GRIK4: variants seen among roughly 807,000 people sequenced by gnomAD.
GRIK4 encodes the protein glutamate receptor ionotropic, kainate 4.
In GRIK4, 40 loss-of-function variants were observed where a neutral mutation model predicts 104.9. The ratio of observed to expected loss-of-function variants is 0.38; its 90% CI spans 0.30 to 0.50. The LOEUF is 0.50. GRIK4 is among the 20% of genes least tolerant of loss of function. The probability of loss-of-function intolerance (pLI) is 0.93; values close to 1 mark genes in which losing one functional copy is unlikely to be tolerated. For missense variants in GRIK4, 1,047 were observed against 1,308.1 expected (o/e 0.80, Z 3.08); for synonymous variants, 485 against 524.9 (o/e 0.92, Z 1.04).
intron 1 of GRIK4, among the ~76,000 whole-genome samples, chr11:120,643,282 T>G (rs1949494360): frequency 6.7e-6 from 1 of 150,172 alleles, no homozygotes; most frequent in Non-Finnish European, 1.5e-5. Flanking sequence ...CCCCTGAGAG[T>G]TAGAGATTTG....
At chr11:120,817,177 C>T (rs565480256) in intron 5 of GRIK4, among the ~76,000 whole-genome samples, 1 of 152,150 alleles carries the variant, frequency 6.6e-6, no homozygotes, top group South Asian at 2.1e-4. Flanking sequence ...CTTTGCTGTG[C>T]ATCACATCCT....
intron 1 of GRIK4, among the ~76,000 whole-genome samples, chr11:120,543,253 A>C (rs146553387): frequency 8.5e-5 from 13 of 152,288 alleles, no homozygotes; most frequent in Non-Finnish European, 1.5e-4. Flanking sequence ...TGTACCCCTG[A>C]ACCTAAAAGT....
At chr11:120,840,472 G>A (rs908047779) in intron 8 of GRIK4, among the ~76,000 whole-genome samples, 1 of 152,126 alleles carries the variant, frequency 6.6e-6, no homozygotes, top group African/African-American at 2.4e-5. Flanking sequence ...AATGGCACCT[G>A]GTTAAGGTGG....
At chr11:120,660,653 T>C (rs1591778929) in intron 3 of GRIK4, among the ~76,000 whole-genome samples, 2 of 152,170 alleles carry the variant, frequency 1.3e-5, no homozygotes, top group African/African-American at 4.8e-5. Flanking sequence ...GCAGTCAATG[T>C]AGGTTCAGCC....
At chr11:120,747,686 T>C (rs561711260) in intron 3 of GRIK4, among the ~76,000 whole-genome samples, 1 of 152,216 alleles carries the variant, frequency 6.6e-6, no homozygotes, top group Non-Finnish European at 1.5e-5. Flanking sequence ...CGCTTAGTGA[T>C]TTATTTTGAG....
At chr11:120,533,344 G>C (rs1947941131) in intron 1 of GRIK4, among the ~76,000 whole-genome samples, 1 of 152,170 alleles carries the variant, frequency 6.6e-6, no homozygotes, top group African/African-American at 2.4e-5. Context: ...GAGTTCTGAG[G>C]GCTTTCCTTG....
intron 1 of GRIK4, among the ~76,000 whole-genome samples, chr11:120,537,490 C>A (rs1947989314): frequency 6.6e-6 from 1 of 152,194 alleles, no homozygotes; most frequent in Admixed American, 6.5e-5. Context: ...CAAATGAGAT[C>A]TCTGGGATCT....
At chr11:120,962,741 C>G (rs765136222) in intron 18 of GRIK4, 60 bp downstream of exon 18, 6 of 1,112,910 alleles carry the variant, frequency 5.4e-6, no homozygotes, top group African/African-American at 1.5e-5. Flanking sequence ...CAGGGTAGCT[C>G]AAACCACTGA....
chr11:120,532,610 T>C (rs1947934622), intron 1 of GRIK4, among the ~76,000 whole-genome samples: 1 of 152,242 alleles, frequency 6.6e-6, no homozygotes. Context: ...TAGTGTGGAC[T>C]CTTTCCCCTA....
Position 120,985,887 on chromosome 11 carries a change from C to T in GRIK4, c.2515-17C>T. The T allele has an allele frequency of 6.4e-7, 1 of 1,550,562 alleles. No homozygotes were observed. Among genetic ancestry groups the T allele is most frequent in the South Asian group, 1.2e-5 (1 of 84,176 alleles). On this transcript the variant is annotated splice_polypyrimidine_tract_variant and intron_variant, in intron 20 of 20. Coordinates refer to ENST00000527524, the MANE Select transcript of GRIK4 (RefSeq NM_014619.5). ...GCTGGTTGAGAGGCTGGGCCCTGAC[C>T]TCGCTGTCTCCTCCAGGTGTCCGTC...
chr11:120,715,638 G>A (rs1309653068), intron 3 of GRIK4, among the ~76,000 whole-genome samples: 1 of 152,116 alleles, frequency 6.6e-6, no homozygotes, highest in Non-Finnish European at 1.5e-5. Context: ...CAGGTATGGA[G>A]AACGACATTT....
In GRIK4 at chr11:120,608,860, G is replaced by A. The variant is rs368313260; in HGVS notation, c.-158-44825G>A. Among the ~76,000 whole-genome samples the A allele has an allele frequency of 3.8e-4, 58 of 152,226 alleles. No homozygotes were observed. The South Asian group carries it at 8.1e-3, about 21-fold the overall frequency. On this transcript the variant is annotated intron_variant, in intron 1 of 20. Coordinates refer to ENST00000527524, the MANE Select transcript of GRIK4 (RefSeq NM_014619.5). ...AGGTGGATAGGCCTGGCTGGCTGGCGGCCTGTGGATACAAAAGTGACCTGC... is the reference window on the plus strand; with the variant it reads ...AGGTGGATAGGCCTGGCTGGCTGGCAGCCTGTGGATACAAAAGTGACCTGC...
chr11:120,917,269 A>AAAAAAAAAAAAAAAAAAAG (rs1463389337), intron 13 of GRIK4, among the ~76,000 whole-genome samples: 2 of 138,294 alleles, frequency 1.4e-5, no homozygotes, highest in Non-Finnish European at 3.0e-5. Context: ...AAAAAAAAAA[A>AAAAAAAAAAAAAAAAAAAG]AAAGAAAGAA....
At chr11:120,857,058 G>A (rs895032386) in intron 8 of GRIK4, among the ~76,000 whole-genome samples, 25 of 152,112 alleles carry the variant, frequency 1.6e-4, no homozygotes, top group African/African-American at 6.0e-4. Context: ...GACCCTGTGT[G>A]GTATAAGGCA....
chr11:120,692,569 T>A (rs1397014421), intron 3 of GRIK4, among the ~76,000 whole-genome samples: 2 of 152,078 alleles, frequency 1.3e-5, no homozygotes, highest in Non-Finnish European at 2.9e-5. Context: ...GAGAGACACG[T>A]CCCTGGAGCT....
intron 3 of GRIK4, among the ~76,000 whole-genome samples, chr11:120,682,696 C>T (rs1950215983): frequency 6.6e-6 from 1 of 151,392 alleles, no homozygotes; most frequent in East Asian, 1.9e-4. Context: ...CAGTTTCCAT[C>T]TTATACATGG....
At chr11:120,806,236 C>T (rs1217618958) in intron 4 of GRIK4, among the ~76,000 whole-genome samples, 1 of 152,182 alleles carries the variant, frequency 6.6e-6, no homozygotes, top group African/African-American at 2.4e-5. Context: ...TTTCAAGGTT[C>T]AGCCCTACTT....
chr11:120,913,838 G>A lies in GRIK4; in HGVS notation c.1476+8345G>A, dbSNP rs138295366. On this transcript the variant is annotated intron_variant, in intron 13 of 20. Transcript: ENST00000527524. ...CCTCAATTCACTGGGAAGGTTGTCCGGAGACATTTTGCTGAACTAAAAAAA... is the reference window on the plus strand; with the variant it reads ...CCTCAATTCACTGGGAAGGTTGTCCAGAGACATTTTGCTGAACTAAAAAAA... Among the ~76,000 whole-genome samples, 371 of 146,244 alleles carry A rather than the reference G, an allele frequency of 2.5e-3. 2 individuals are homozygous for A. The highest frequency in any genetic ancestry group is 8.5e-3 in the African/African-American group (340 of 40,008).
rs559728055 is a variant in GRIK4, at chr11:120,925,661, G to T, written c.1477-14686G>T. The stretch of plus-strand genomic sequence containing the variant: ...GGGCCAGAGATTTTTATCAATAAAG[G>T]GTGCATTTGGGTTAGAAATGAGCAT... On this transcript the variant is annotated intron_variant, in intron 13 of 20. Coordinates refer to ENST00000527524, the MANE Select transcript of GRIK4 (RefSeq NM_014619.5). Among the ~76,000 whole-genome samples, 483 of 152,218 alleles carry T rather than the reference G, an allele frequency of 3.2e-3. 3 individuals carry two copies. Among genetic ancestry groups the T allele is most frequent in the African/African-American group, 0.011 (465 of 41,546 alleles).
Sources: allele counts gnomAD v4.1 joint callset (sites outside exome capture counted in the v4.1 genomes callset), GRCh38; gene constraint gnomAD v4.1.1; transcripts MANE v1.5; gene names NCBI Gene and HGNC (gene_info 2026-07-23, HGNC 2026-07-21).